Variants in LEF1 observed in about 807,000 individuals in gnomAD.
LEF1 encodes the protein lymphoid enhancer-binding factor 1.
In LEF1, 14 loss-of-function variants were observed where a neutral mutation model predicts 51.2. The observed-to-expected ratio is 0.27, with a 90% confidence interval of 0.18 to 0.43. LEF1 has a LOEUF of 0.43. Ranked by LOEUF, LEF1 falls within the 20% of genes least tolerant of loss-of-function variation. LEF1 has a pLI of 1.00. For missense variants in LEF1, 386 were observed against 512.0 expected (o/e 0.75, Z 2.37); for synonymous variants, 185 against 183.2 (o/e 1.01, Z -0.08).
chr4:108,100,186 TGAGA>T (rs1488539170), intron 3 of LEF1, among the ~76,000 whole-genome samples: 2 of 152,292 alleles, frequency 1.3e-5, no homozygotes, highest in African/African-American at 2.4e-5. Flanking sequence ...AAAACTTAAA[TGAGA>T]AAGAAAGCAG....
At chr4:108,123,896 A>G (rs1399133731) in intron 3 of LEF1, among the ~76,000 whole-genome samples, 1 of 152,044 alleles carries the variant, frequency 6.6e-6, no homozygotes, top group Non-Finnish European at 1.5e-5. Flanking sequence ...AATCCCAGCA[A>G]TTTGGGAGGC....
intron 3 of LEF1, among the ~76,000 whole-genome samples, chr4:108,092,703 G>A (rs1393927155): frequency 6.6e-6 from 1 of 152,058 alleles, no homozygotes; most frequent in East Asian, 1.9e-4. Context: ...CTATCTAAGT[G>A]TTTGTAGACA....
intron 3 of LEF1, among the ~76,000 whole-genome samples, chr4:108,144,955 C>G (rs1289936511): frequency 1.3e-5 from 2 of 149,724 alleles, no homozygotes; most frequent in Non-Finnish European, 3.0e-5. Context: ...ATGAAACACT[C>G]AACAGCCACA....
intron 4 of LEF1, among the ~76,000 whole-genome samples, chr4:108,088,326 A>T (rs1021397319): frequency 6.6e-6 from 1 of 152,180 alleles, no homozygotes; most frequent in Non-Finnish European, 1.5e-5. Context: ...CACATTTTTT[A>T]AAATCTTTTA....
chr4:108,093,409 G>A (rs1216477482), intron 3 of LEF1, among the ~76,000 whole-genome samples: 1 of 152,138 alleles, frequency 6.6e-6, no homozygotes, highest in Non-Finnish European at 1.5e-5. Context: ...CGCTGTAAGG[G>A]AGGGAAGGAG....
intron 4 of LEF1, among the ~76,000 whole-genome samples, chr4:108,087,452 G>A (rs1578326029): frequency 1.3e-5 from 2 of 152,034 alleles, no homozygotes; most frequent in South Asian, 2.1e-4. Context: ...GAGAAGCAAT[G>A]ATATAACTTA....
intron 9 of LEF1, among the ~76,000 whole-genome samples, chr4:108,068,593 T>C (rs1738246942): frequency 6.6e-6 from 1 of 152,236 alleles, no homozygotes. Flanking sequence ...GAGCTGACTA[T>C]GCTGTTTCCC....
intron 3 of LEF1, among the ~76,000 whole-genome samples, chr4:108,092,188 G>T (rs1740068677): frequency 6.6e-6 from 1 of 152,178 alleles, no homozygotes; most frequent in Non-Finnish European, 1.5e-5. Flanking sequence ...TTTCCTGTGG[G>T]AAAGAGATAA....
At chr4:108,051,758 T>C (rs111436346) in intron 11 of LEF1, among the ~76,000 whole-genome samples, 2,676 of 152,004 alleles carry the variant, frequency 0.018, 48 homozygotes, top group African/African-American at 0.041. Flanking sequence ...GATGCTCTCC[T>C]GGACCAAATT....
intron 3 of LEF1, among the ~76,000 whole-genome samples, chr4:108,130,996 C>T (rs770361010): frequency 2.0e-5 from 3 of 151,990 alleles, no homozygotes; most frequent in Non-Finnish European, 4.4e-5. Context: ...TGTATCTTTC[C>T]TCCCAGGTTA....
chr4:108,163,682 G>A lies in LEF1; in HGVS notation c.300C>T (p.Gly100=), dbSNP rs761318436. The part of the protein sequence containing the change: ...HPDDGKHPDG[G]LYNKGPSYSS... ...AGTAGGAGGGTCCCTTGTTGTAGAG[G>A]CCTCCATCTGGATGCTTTCCTGGGA... Residue 100 remains glycine, a synonymous_variant, in exon 3 of 12, where the codon GGC becomes GGT. Coordinates refer to ENST00000265165, the MANE Select transcript of LEF1 (RefSeq NM_016269.5). 2 of 1,613,446 alleles carry A rather than the reference G, an allele frequency of 1.2e-6. No individual in the cohort carries two copies. The highest frequency in any genetic ancestry group is 1.1e-5 in the South Asian group (1 of 90,976).
chr4:108,130,752 A>C (rs574013545), intron 3 of LEF1, among the ~76,000 whole-genome samples: 107 of 151,682 alleles, frequency 7.1e-4, no homozygotes, highest in South Asian at 1.7e-3. Context: ...AAGACTTTCC[A>C]GTTAAATTGC....
intron 3 of LEF1, among the ~76,000 whole-genome samples, chr4:108,145,002 G>A (rs922165): frequency 0.59 from 90,137 of 151,798 alleles, 27,251 homozygotes; most frequent in Middle Eastern, 0.74. Context: ...ATAGGAATAG[G>A]GTTCCCGTTT....
At chr4:108,117,751 C>T (rs964205593) in intron 3 of LEF1, among the ~76,000 whole-genome samples, 6 of 152,044 alleles carry the variant, frequency 3.9e-5, no homozygotes, top group East Asian at 1.9e-4. Context: ...TCAGGGTGGG[C>T]GTGAAGGGTC....
At chr4:108,062,924 C>T (rs996675396) in intron 11 of LEF1, among the ~76,000 whole-genome samples, 1 of 151,956 alleles carries the variant, frequency 6.6e-6, no homozygotes, top group Admixed American at 6.6e-5. Flanking sequence ...AAAGACCAAG[C>T]CTTAATTTAC....
intron 3 of LEF1, among the ~76,000 whole-genome samples, chr4:108,092,879 C>A (rs1432793810): frequency 8.2e-6 from 1 of 121,692 alleles, no homozygotes. Context: ...GAAGTGGCGT[C>A]AGGCAGCAGG....
chr4:108,072,259 G>T (rs922646944), intron 8 of LEF1: 2 of 152,204 alleles, frequency 1.3e-5, no homozygotes, highest in African/African-American at 4.8e-5. Context: ...TTCTCCTAGA[G>T]GAGGCTATGT....
chr4:108,126,530 T>C (rs1458062508), intron 3 of LEF1, among the ~76,000 whole-genome samples: 1 of 152,086 alleles, frequency 6.6e-6, no homozygotes, highest in Non-Finnish European at 1.5e-5. Context: ...CAGCCAGGTA[T>C]GGTGGCTCAG....
chr4:108,057,933 G>C lies in LEF1; in HGVS notation c.*6+5690C>G, dbSNP rs868115323. 3.3e-5 allele frequency among the ~76,000 whole-genome samples: 5 copies of C among 151,084 alleles called. No homozygotes were observed. In the South Asian group the frequency reaches 6.3e-4, roughly 19 times the overall value. ...CTGTCACCTGGGCTAGAGTGCAATG[G>C]TGCTATCTCTGCTCACTGCAACCTG... On this transcript the variant is annotated intron_variant, in intron 11 of 11. Transcript: ENST00000265165.
Sources: allele counts gnomAD v4.1 joint callset (sites outside exome capture counted in the v4.1 genomes callset), GRCh38; gene constraint gnomAD v4.1.1; transcripts MANE v1.5; gene names NCBI Gene and HGNC (gene_info 2026-07-23, HGNC 2026-07-21).